MINAR1: variants seen among roughly 807,000 people sequenced by gnomAD.
MINAR1 encodes the protein membrane integral NOTCH2 associated receptor 1, also known as major intrinsically disordered Notch2-binding receptor 1.
In MINAR1, 40 loss-of-function variants were observed where a neutral mutation model predicts 65.1. The observed-to-expected ratio is 0.61, with a 90% CI of 0.48 to 0.80. The LOEUF (loss-of-function observed/expected upper bound fraction) is 0.80. MINAR1 is among the 30% of genes least tolerant of loss of function. MINAR1 has a pLI of 0.00. For synonymous variants in MINAR1, 482 were observed against 449.1 expected, an observed-to-expected ratio of 1.07 and a Z score of -0.93; for missense variants, 1,128 against 1,148.0, an observed-to-expected ratio of 0.98 and a Z score of 0.25.
intron 1 of MINAR1, among the ~76,000 whole-genome samples, chr15:79,433,068 G>T (rs977608331): frequency 2.0e-5 from 3 of 152,208 alleles, no homozygotes; most frequent in African/African-American, 7.2e-5. Context: ...GTTTGATAAG[G>T]ATGCTCAACT....
intron 1 of MINAR1, among the ~76,000 whole-genome samples, chr15:79,454,737 TA>T (rs56143323): frequency 0.27 from 40,609 of 151,500 alleles, 6,343 homozygotes; most frequent in East Asian, 0.55. Context: ...AGATGGGAAA[TA>T]AAAAAAAACC....
intron 3 of MINAR1, among the ~76,000 whole-genome samples, chr15:79,467,655 T>A (rs1216940889): frequency 6.6e-6 from 1 of 152,182 alleles, no homozygotes; most frequent in East Asian, 1.9e-4. Context: ...CTCAGATAAA[T>A]GGCTGAATTT....
At chr15:79,428,560 G>T (rs142817790), upstream of MINAR1, among the ~76,000 whole-genome samples, 7 of 137,630 alleles carry the variant, frequency 5.1e-5, no homozygotes, top group African/African-American at 1.9e-4. Flanking sequence ...CTTTCAGCCT[G>T]CCATTTTCAG....
At chr15:79,440,359 T>G (rs1179824196) in intron 1 of MINAR1, among the ~76,000 whole-genome samples, 1 of 152,218 alleles carries the variant, frequency 6.6e-6, no homozygotes, top group Non-Finnish European at 1.5e-5. Context: ...AGCCAGGTCC[T>G]GAAGCAAATG....
At chr15:79,419,951 A>G in the MINAR1 span, 2 of 152,362 alleles carry the variant, frequency 1.3e-5, no homozygotes, top group Non-Finnish European at 1.5e-5. Context: ...GTCTACAACC[A>G]TAGAAAAGAT....
chr15:79,466,730 A>G (rs893961896), intron 3 of MINAR1, among the ~76,000 whole-genome samples: 18 of 152,188 alleles, frequency 1.2e-4, no homozygotes, highest in African/African-American at 4.3e-4. Context: ...GGCAGCAGGC[A>G]GGTGACATTC....
chr15:79,452,125 A>G (rs1297974408), intron 1 of MINAR1, among the ~76,000 whole-genome samples: 1 of 152,048 alleles, frequency 6.6e-6, no homozygotes, highest in Non-Finnish European at 1.5e-5. Flanking sequence ...GTGTGTACAC[A>G]TGGGTGTGTG....
At chr15:79,463,729 A>G (rs1895737002) in intron 3 of MINAR1, 1 of 463,900 alleles carries the variant, frequency 2.2e-6, no homozygotes, top group Non-Finnish European at 4.3e-6. Context: ...GAGCCAAGCT[A>G]TGGATTATGT....
intron 1 of MINAR1, among the ~76,000 whole-genome samples, chr15:79,455,619 C>T (rs1895385172): frequency 6.6e-6 from 1 of 152,182 alleles, no homozygotes; most frequent in South Asian, 2.1e-4. Flanking sequence ...AAGATGGAAT[C>T]ATGCAGTGGA....
chr15:79,464,125 A>T (rs1156462634), intron 3 of MINAR1, among the ~76,000 whole-genome samples: 1 of 152,170 alleles, frequency 6.6e-6, no homozygotes, highest in Non-Finnish European at 1.5e-5. Flanking sequence ...TGTGGGAGGT[A>T]CAGTGTGGTG....
intron 2 of MINAR1, among the ~76,000 whole-genome samples, chr15:79,458,828 A>C (rs1895538229): frequency 6.6e-6 from 1 of 152,212 alleles, no homozygotes. Flanking sequence ...GAGGGAAAAT[A>C]CTGAAAAGGT....
At position 79,468,368 on chromosome 15, in the gene MINAR1, G is replaced by A. The variant is rs1420124340; in HGVS notation, c.2735G>A (p.Cys912Tyr). ...TVILVIVVPI[C>Y]TMKS is the part of the protein sequence containing the mutation. ...ATCCTCGTTATTGTCGTGCCCATCT[G>A]CACAATGAAATCATGAGCTAAGAAT... Residue 912 changes from cysteine (C) to tyrosine (Y), a missense_variant, in exon 4 of 4, where the codon TGC becomes TAC. By Grantham distance (194) the Cys-to-Tyr change is radical (BLOSUM62 -2). Transcript: ENST00000305428. 1 of 1,613,794 alleles carries A rather than the reference G, an allele frequency of 6.2e-7. No individual in the cohort carries two copies. Among genetic ancestry groups the A allele is most frequent in the African/African-American group, 1.3e-5 (1 of 74,912 alleles).
intron 2 of MINAR1, among the ~76,000 whole-genome samples, chr15:79,460,337 G>T (rs1895600740): frequency 6.6e-6 from 1 of 152,140 alleles, no homozygotes; most frequent in South Asian, 2.1e-4. Context: ...AAAATCTACA[G>T]TTCCCAAAGC....
At chr15:79,441,895 G>C in intron 1 of MINAR1, among the ~76,000 whole-genome samples, 1 of 151,892 alleles carries the variant, frequency 6.6e-6, no homozygotes. Flanking sequence ...GTTCTACTTT[G>C]CTTTATTTAT....
At position 79,469,529 on chromosome 15, in the gene MINAR1, T is replaced by TTATCTATATGTCTATCTATCTATCTATA. The variant is rs1567065039; in HGVS notation, c.*1147_*1174dup. ...CAAAAAATATTATCTGTTTAACCACTTATCTATATGTCTATCTATCTATCT... is the reference window on the plus strand; with the variant it reads ...CAAAAAATATTATCTGTTTAACCACTTATCTATATGTCTATCTATCTATCTATATATCTATATGTCTATCTATCTATCT... On this transcript the variant is annotated 3_prime_UTR_variant, in exon 4 of 4. Coordinates refer to ENST00000305428, the MANE Select transcript of MINAR1 (RefSeq NM_015206.3). 6 of 152,488 alleles carry TTATCTATATGTCTATCTATCTATCTATA rather than the reference T, an allele frequency of 3.9e-5. No homozygotes were observed. The East Asian group carries it at 1.2e-3, about 29-fold the overall frequency. The allele number at this position is 152,488 out of a possible 1,614,324, so 9.4% of individuals were successfully genotyped here. A position where few individuals can be genotyped will look rare whatever the true frequency, so the allele number is the denominator to read the frequency against.
chr15:79,414,454 A>T, the MINAR1 span: 12 of 152,222 alleles, frequency 7.9e-5, 1 homozygote, highest in African/African-American at 2.4e-4. Flanking sequence ...AAAAGTAGTG[A>T]TGTGTCAGGA....
intron 1 of MINAR1, among the ~76,000 whole-genome samples, chr15:79,450,914 A>G (rs1895171965): frequency 6.6e-6 from 1 of 152,194 alleles, no homozygotes; most frequent in African/African-American, 2.4e-5. Flanking sequence ...TGCCTGTCAC[A>G]TGGGAAGCTC....
At chr15:79,462,093 CAT>C (rs1159370212) in intron 2 of MINAR1, among the ~76,000 whole-genome samples, 1 of 152,210 alleles carries the variant, frequency 6.6e-6, no homozygotes, top group Non-Finnish European at 1.5e-5. Flanking sequence ...GTTCCATACA[CAT>C]GACTTCATAT....
At position 79,457,098 on chromosome 15, in the gene MINAR1, T is replaced by G; in HGVS notation, c.951T>G (p.Tyr317Ter). The part of the protein sequence containing the change: ...PYNSQYLNPV[Y>*]SPVPDKRRAK... The stretch of plus-strand genomic sequence containing the variant: ...ACAGCCAGTACCTGAATCCAGTGTA[T>G]TCCCCGGTTCCTGACAAAAGGCGAG... Residue 317 changes from tyrosine to a stop codon, truncating the protein, a stop_gained, in exon 2 of 4, where the codon TAT (tyrosine) becomes TAG (stop). Coordinates refer to ENST00000305428, the MANE Select transcript of MINAR1 (RefSeq NM_015206.3). LOFTEE classifies it high-confidence loss of function. The G allele has an allele frequency of 6.2e-7, 1 of 1,614,128 alleles. No individual in the cohort carries two copies. The highest frequency in any genetic ancestry group is 8.5e-7 in the Non-Finnish European group (1 of 1,180,020).
Sources: gnomAD v4.1 joint callset for allele counts (sites outside exome capture counted in the v4.1 genomes callset) on GRCh38, gnomAD v4.1.1 for gene constraint, MANE v1.5 for transcripts, NCBI Gene and HGNC (gene_info 2026-07-23, HGNC 2026-07-21) for gene names.